The following PKHD1 variants were observed in gnomAD, a reference collection of about 807,000 sequenced individuals.
PKHD1 encodes the protein PKHD1 ciliary IPT domain containing fibrocystin/polyductin.
Under a neutral mutation model 412.0 loss-of-function variants are expected in PKHD1, and 291 were observed. The observed-to-expected ratio is 0.71, with a 90% CI of 0.64 to 0.78. PKHD1 has a LOEUF of 0.78. PKHD1 is among the 30% of genes least tolerant of loss of function. PKHD1 has a pLI of 0.00. For synonymous variants in PKHD1, 1,777 were observed against 1,821.5 expected, an observed-to-expected ratio of 0.98 and a Z score of 0.62; for missense variants, 4,825 against 4,950.7, an observed-to-expected ratio of 0.97 and a Z score of 0.76.
At chr6:51,781,443 T>C (rs1435482724) in intron 53 of PKHD1, among the ~76,000 whole-genome samples, 1 of 152,126 alleles carries the variant, frequency 6.6e-6, no homozygotes, top group Non-Finnish European at 1.5e-5. Context: ...AATTTTTCAA[T>C]TAATGGAATA....
chr6:51,792,449 T>A (rs1250036447), intron 52 of PKHD1, among the ~76,000 whole-genome samples: 1 of 152,216 alleles, frequency 6.6e-6, no homozygotes. Context: ...TTGTCATGAG[T>A]TGTCTTTCCT....
chr6:51,991,214 G>A (rs749125957), intron 35 of PKHD1, among the ~76,000 whole-genome samples: 61 of 152,122 alleles, frequency 4.0e-4, no homozygotes, highest in Admixed American at 2.8e-3. Context: ...GGAAGTTTTA[G>A]ACCTTATAAA....
chr6:51,904,101 A>T, intron 41 of PKHD1, 59 bp from the exon 42 acceptor site: 4 of 1,069,838 alleles, frequency 3.7e-6, no homozygotes, highest in Non-Finnish European at 5.8e-6. Context: ...AAAACAAGAG[A>T]TGCTGCAACA....
intron 60 of PKHD1, among the ~76,000 whole-genome samples, chr6:51,688,256 A>C (rs1582091441): frequency 6.6e-6 from 1 of 152,330 alleles, no homozygotes; most frequent in Non-Finnish European, 1.5e-5. Flanking sequence ...TTGGTTTGTT[A>C]AACACAACCC....
intron 48 of PKHD1, among the ~76,000 whole-genome samples, chr6:51,857,909 C>CT (rs1209304373): frequency 6.6e-6 from 1 of 152,098 alleles, no homozygotes; most frequent in Non-Finnish European, 1.5e-5. Context: ...AAGAACTATT[C>CT]TTTTTTCAGA....
Position 51,746,779 on chromosome 6 carries a change from T to C in PKHD1, c.9940A>G (p.Thr3314Ala), listed in dbSNP as rs1253600571. ...TTATCTTTTATCTTTAGCATCCTGGTCCTCTCTGCTGTTATTGGGTGCATA... is the reference window on the plus strand; with the variant it reads ...TTATCTTTTATCTTTAGCATCCTGGCCCTCTCTGCTGTTATTGGGTGCATA... The part of the protein sequence containing the change: ...GIMHPITAER[T>A]RMLKIKDKNK... The change falls in exon 59 of 67, where the codon ACC (threonine) becomes GCC (alanine). Residue 3314 changes from threonine (T) to alanine (A), a missense_variant. Physicochemically the swap from Thr to Ala is moderately conservative, Grantham distance 58. Transcript: ENST00000371117. 6.2e-7 allele frequency: 1 copy of C among 1,611,464 alleles called. No homozygotes were observed.
chr6:51,632,727 T>G lies in PKHD1; in HGVS notation c.11507-4A>C, dbSNP rs570641132. On this transcript the variant is annotated splice_region_variant and splice_polypyrimidine_tract_variant and intron_variant, in intron 64 of 66. Transcript: ENST00000371117. ...GATCGAGCTGTAAAATTGACTCCTGTGGCGGGGAAAAGAAGATGTTTCAAT... is the reference window on the plus strand; with the variant it reads ...GATCGAGCTGTAAAATTGACTCCTGGGGCGGGGAAAAGAAGATGTTTCAAT... 9 of 1,611,980 alleles carry G rather than the reference T, an allele frequency of 5.6e-6. No individual in the cohort carries two copies. Among genetic ancestry groups the G allele is most frequent in the Middle Eastern group, 1.7e-4 (1 of 6,050 alleles).
At chr6:51,753,854 C>T (rs903212705) in intron 56 of PKHD1, among the ~76,000 whole-genome samples, 1 of 152,194 alleles carries the variant, frequency 6.6e-6, no homozygotes, top group Non-Finnish European at 1.5e-5. Context: ...GTGGATCTTC[C>T]ACTCATCACG....
In PKHD1 at chr6:51,901,007, G is replaced by A. The variant is rs576998756; in HGVS notation, c.6996+2590C>T. ...CAGTTAGAATGGCAATCATTAAAAA[G>A]TCAGGAAACAACAGGTGCTGGAGAG... On this transcript the variant is annotated intron_variant, in intron 43 of 66. Transcript: ENST00000371117. Among the ~76,000 whole-genome samples the A allele has an allele frequency of 1.4e-4, 22 of 152,002 alleles. No homozygotes were observed. In the East Asian group the frequency reaches 4.1e-3, roughly 28 times the overall value.
At chr6:52,045,938 T>C in intron 24 of PKHD1, 66 bp downstream of exon 24, 1 of 674,402 alleles carries the variant, frequency 1.5e-6, no homozygotes, top group Non-Finnish European at 2.4e-6. Context: ...ATAATTCTGA[T>C]TTTTTTTTTT....
chr6:51,894,829 T>A (rs1779645584), intron 43 of PKHD1, among the ~76,000 whole-genome samples: 1 of 152,224 alleles, frequency 6.6e-6, no homozygotes, highest in East Asian at 1.9e-4. Context: ...TTGGTACAGC[T>A]CCATGACTAT....
chr6:51,859,288 A>G (rs1410071959), intron 48 of PKHD1, among the ~76,000 whole-genome samples: 1 of 152,004 alleles, frequency 6.6e-6, no homozygotes, highest in Non-Finnish European at 1.5e-5. Context: ...GCACTTTGGG[A>G]CGCCGAGGCG....
intron 60 of PKHD1, among the ~76,000 whole-genome samples, chr6:51,707,662 AC>A (rs1780171046): frequency 1.3e-5 from 2 of 151,438 alleles, no homozygotes; most frequent in South Asian, 2.1e-4. Context: ...ACTCCCACTT[AC>A]CCCCAACCCA....
At chr6:51,918,929 T>A (rs1400248939) in intron 37 of PKHD1, among the ~76,000 whole-genome samples, 1 of 152,224 alleles carries the variant, frequency 6.6e-6, no homozygotes, top group African/African-American at 2.4e-5. Flanking sequence ...CATAAATATC[T>A]TCCTTTGAGA....
chr6:51,739,845 C>T, intron 60 of PKHD1: 1 of 255,380 alleles, frequency 3.9e-6, no homozygotes, highest in African/African-American at 2.2e-5. Flanking sequence ...GCTCTGATTT[C>T]TTTCTGCTGC....
At chr6:51,831,271 AGAAAG>A (rs1336752589) in intron 51 of PKHD1, among the ~76,000 whole-genome samples, 7 of 152,198 alleles carry the variant, frequency 4.6e-5, no homozygotes, top group African/African-American at 1.2e-4. Context: ...AATGCAAATA[AGAAAG>A]GTAATAATTG....
chr6:51,662,879 T>A (rs1000485995), intron 60 of PKHD1, among the ~76,000 whole-genome samples: 1 of 152,034 alleles, frequency 6.6e-6, no homozygotes, highest in East Asian at 1.9e-4. Context: ...GTTCTATGTC[T>A]CTTAATGAAA....
At chr6:51,725,590 G>A (rs1782476692) in intron 60 of PKHD1, among the ~76,000 whole-genome samples, 2 of 152,206 alleles carry the variant, frequency 1.3e-5, no homozygotes, top group Admixed American at 6.5e-5. Flanking sequence ...GTGCATGACT[G>A]TCTTTCATAT....
chr6:51,674,264 A>G (rs1775484456), intron 60 of PKHD1, among the ~76,000 whole-genome samples: 1 of 152,180 alleles, frequency 6.6e-6, no homozygotes, highest in African/African-American at 2.4e-5. Flanking sequence ...AGGTACAGAT[A>G]TATCTGTTAA....
Sources: gnomAD v4.1 joint callset for allele counts (sites outside exome capture counted in the v4.1 genomes callset) on GRCh38, gnomAD v4.1.1 for gene constraint, MANE v1.5 for transcripts, NCBI Gene and HGNC (gene_info 2026-07-23, HGNC 2026-07-21) for gene names.